PRKG1: variants seen among roughly 807,000 people sequenced by gnomAD.
PRKG1 encodes protein kinase cGMP-dependent 1.
In PRKG1, 35 loss-of-function variants were observed where a neutral mutation model predicts 88.1. That is an observed-to-expected ratio of 0.40 (90% CI 0.30 to 0.53). PRKG1 has a LOEUF of 0.53. Ranked by LOEUF, PRKG1 falls within the 20% of genes least tolerant of loss-of-function variation. The pLI is 0.59. For missense variants in PRKG1, 540 were observed against 839.8 expected (o/e 0.64, Z 4.41); for synonymous variants, 303 against 292.5 (o/e 1.04, Z -0.37).
intron 3 of PRKG1, among the ~76,000 whole-genome samples, chr10:51,562,085 A>T (rs891808126): frequency 6.6e-6 from 1 of 151,924 alleles, no homozygotes; most frequent in Admixed American, 6.6e-5. Context: ...TTAGCTGGGC[A>T]TGGTGGTGCA....
intron 4 of PRKG1, among the ~76,000 whole-genome samples, chr10:51,823,647 G>C (rs538624365): frequency 6.6e-6 from 1 of 151,848 alleles, no homozygotes; most frequent in African/African-American, 2.4e-5. Flanking sequence ...GAAACATTTC[G>C]ATGTTTGAGA....
intron 5 of PRKG1, among the ~76,000 whole-genome samples, chr10:52,050,033 G>T (rs1403069936): frequency 6.8e-6 from 1 of 147,622 alleles, no homozygotes; most frequent in Non-Finnish European, 1.5e-5. Context: ...CAGAATGTGT[G>T]TGTGTGAGAG....
In PRKG1 at chr10:52,133,545, C is replaced by A. The variant is rs77138124; in HGVS notation, c.936-295C>A. Among the ~76,000 whole-genome samples the A allele has an allele frequency of 0.12, 18,002 of 152,116 alleles. 1,297 individuals carry two copies. The highest frequency in any genetic ancestry group is 0.16 in the Non-Finnish European group (10,917 of 67,920). On this transcript the variant is annotated intron_variant, in intron 7 of 17. Coordinates refer to ENST00000373980, the MANE Select transcript of PRKG1 (RefSeq NM_006258.4). ...TGTTACTATCTTGATCATTATCCAACTATTTTATTAATTTCCCCAAAGGGA... is the reference window on the plus strand; with the variant it reads ...TGTTACTATCTTGATCATTATCCAAATATTTTATTAATTTCCCCAAAGGGA...
chr10:51,982,346 T>C (rs1844030852), intron 5 of PRKG1, among the ~76,000 whole-genome samples: 1 of 152,230 alleles, frequency 6.6e-6, no homozygotes. Context: ...TCACAACTTT[T>C]GCCGGAGGGG....
At chr10:51,033,467 C>A (rs1843313483) in intron 1 of PRKG1, among the ~76,000 whole-genome samples, 1 of 152,124 alleles carries the variant, frequency 6.6e-6, no homozygotes, top group South Asian at 2.1e-4. Flanking sequence ...AGGACATGTA[C>A]CCTTTCCCAC....
rs545211884 is a variant in PRKG1, at chr10:51,329,279, A to G, written c.479-138444A>G. 1.6e-4 allele frequency among the ~76,000 whole-genome samples: 24 copies of G among 152,246 alleles called. 1 individual carries two copies. The South Asian group carries it at 4.8e-3, about 30-fold the overall frequency. On this transcript the variant is annotated intron_variant, in intron 2 of 17. Coordinates refer to ENST00000373980, the MANE Select transcript of PRKG1 (RefSeq NM_006258.4). ...TAAGGGTCTAATTTCATTCTTCTAC[A>G]TGTGGATATTCAGTTTCCCCTGCAC...
chr10:52,073,785 C>G (rs777515223), intron 7 of PRKG1, among the ~76,000 whole-genome samples: 1 of 152,124 alleles, frequency 6.6e-6, no homozygotes, highest in Admixed American at 6.5e-5. Flanking sequence ...TGTCAAGGAA[C>G]TCATTACAGG....
At chr10:51,684,470 G>A (rs1171931699) in intron 3 of PRKG1, among the ~76,000 whole-genome samples, 1 of 151,902 alleles carries the variant, frequency 6.6e-6, no homozygotes. Flanking sequence ...TGGATCTTAT[G>A]GTGTGTAATT....
At position 51,625,826 on chromosome 10, in the gene PRKG1, G is replaced by A. The variant is rs1021569047; in HGVS notation, c.592+157990G>A. On this transcript the variant is annotated intron_variant, in intron 3 of 17. Coordinates refer to ENST00000373980, the MANE Select transcript of PRKG1 (RefSeq NM_006258.4). ...ATTCAAAACAGAACAGAGAGTCACA[G>A]TCAATGAAAAGACAAATTATGTTCT... 7.9e-5 allele frequency among the ~76,000 whole-genome samples: 12 copies of A among 151,982 alleles called. 1 individual carries two copies. Among genetic ancestry groups the A allele is most frequent in the Admixed American group, 7.9e-4 (12 of 15,262 alleles).
chr10:51,360,686 T>C (rs1428886800), intron 2 of PRKG1, among the ~76,000 whole-genome samples: 1 of 151,958 alleles, frequency 6.6e-6, no homozygotes, highest in Non-Finnish European at 1.5e-5. Context: ...GTAACGCTTT[T>C]GTCTTTATAG....
chr10:51,279,570 G>C (rs1381594792), intron 2 of PRKG1, among the ~76,000 whole-genome samples: 1 of 152,130 alleles, frequency 6.6e-6, no homozygotes, highest in Non-Finnish European at 1.5e-5. Flanking sequence ...CCTGTATTGG[G>C]TGCATATATA....
chr10:51,116,066 A>G (rs940997250), intron 1 of PRKG1, among the ~76,000 whole-genome samples: 2 of 152,062 alleles, frequency 1.3e-5, no homozygotes, highest in Non-Finnish European at 2.9e-5. Context: ...GCTTTCACTC[A>G]ACAGATTTGG....
At chr10:51,143,727 T>C (rs1845876642) in intron 1 of PRKG1, among the ~76,000 whole-genome samples, 1 of 152,148 alleles carries the variant, frequency 6.6e-6, no homozygotes, top group African/African-American at 2.4e-5. Flanking sequence ...TGCGTGACAC[T>C]GAGCATTTTT....
At chr10:51,325,302 C>G (rs1349367521) in intron 2 of PRKG1, among the ~76,000 whole-genome samples, 1 of 151,996 alleles carries the variant, frequency 6.6e-6, no homozygotes, top group Non-Finnish European at 1.5e-5. Context: ...GCTCTGTCAC[C>G]CAGGCTGGAG....
chr10:51,321,490 T>C (rs1436203103), intron 2 of PRKG1, among the ~76,000 whole-genome samples: 2 of 152,110 alleles, frequency 1.3e-5, no homozygotes, highest in East Asian at 1.9e-4. Context: ...TGCTAGCCTA[T>C]GTTAAGTGAA....
intron 2 of PRKG1, among the ~76,000 whole-genome samples, chr10:51,386,794 T>C (rs1407996726): frequency 6.6e-6 from 1 of 151,284 alleles, no homozygotes; most frequent in Non-Finnish European, 1.5e-5. Context: ...TGTATTCTTA[T>C]AATAAATCAT....
intron 1 of PRKG1, among the ~76,000 whole-genome samples, chr10:51,066,708 A>G (rs1238852939): frequency 6.6e-6 from 1 of 152,150 alleles, no homozygotes; most frequent in Non-Finnish European, 1.5e-5. Flanking sequence ...TATTTACTGT[A>G]TATTTATTTT....
chr10:51,323,401 G>A (rs1216210833), intron 2 of PRKG1, among the ~76,000 whole-genome samples: 1 of 152,132 alleles, frequency 6.6e-6, no homozygotes, highest in Non-Finnish European at 1.5e-5. Context: ...GTAAGCTCCA[G>A]AATTAGATGA....
intron 5 of PRKG1, among the ~76,000 whole-genome samples, chr10:51,997,085 G>A (rs1844465207): frequency 3.5e-5 from 1 of 28,608 alleles, no homozygotes; most frequent in Non-Finnish European, 6.1e-5. Flanking sequence ...TGAAAATAGA[G>A]AGCAAGAATG....
Sources: allele counts gnomAD v4.1 joint callset (sites outside exome capture counted in the v4.1 genomes callset), GRCh38; gene constraint gnomAD v4.1.1; transcripts MANE v1.5; gene names NCBI Gene and HGNC (gene_info 2026-07-23, HGNC 2026-07-21).